Variants in NRXN1 observed in about 807,000 individuals in gnomAD.
NRXN1 encodes neurexin-1.
NRXN1 carries 39 observed loss-of-function variants against 150.9 expected under a neutral mutation model. The ratio of observed to expected loss-of-function variants is 0.26; its 90% CI spans 0.20 to 0.34. The LOEUF is 0.34. NRXN1 is among the 10% of genes least tolerant of loss of function. NRXN1 has a pLI of 1.00. For missense variants in NRXN1, 1,815 were observed against 1,949.9 expected, an observed-to-expected ratio of 0.93 and a Z score of 1.30; for synonymous variants, 924 against 757.0, an observed-to-expected ratio of 1.22 and a Z score of -3.62.
chr2:50,401,971 A>G (rs550821468), intron 17 of NRXN1, among the ~76,000 whole-genome samples: 29 of 152,210 alleles, frequency 1.9e-4, no homozygotes, highest in Non-Finnish European at 3.8e-4. Flanking sequence ...GGGAAGGGGC[A>G]GAAAAATCCC....
intron 5 of NRXN1, among the ~76,000 whole-genome samples, chr2:50,727,276 A>G: frequency 6.6e-6 from 1 of 152,220 alleles, no homozygotes; most frequent in East Asian, 1.9e-4. Flanking sequence ...TTTATATTTT[A>G]TTCTAAGCAA....
intron 8 of NRXN1, among the ~76,000 whole-genome samples, chr2:50,597,971 T>C (rs1675514103): frequency 6.6e-6 from 1 of 151,986 alleles, no homozygotes; most frequent in Non-Finnish European, 1.5e-5. Flanking sequence ...AAACGTCATC[T>C]TTACCAAAAA....
intron 18 of NRXN1, among the ~76,000 whole-genome samples, chr2:50,207,116 G>T (rs1416562026): frequency 6.6e-6 from 1 of 152,012 alleles, no homozygotes; most frequent in Admixed American, 6.6e-5. Flanking sequence ...GGGACTTACC[G>T]ATGGGGTATA....
intron 8 of NRXN1, among the ~76,000 whole-genome samples, chr2:50,598,613 T>C (rs1186491200): frequency 1.4e-5 from 2 of 147,466 alleles, no homozygotes; most frequent in Non-Finnish European, 3.0e-5. Context: ...TATATATACA[T>C]ATATATACAT....
At chr2:50,038,467 T>C (rs941859698) in intron 21 of NRXN1, among the ~76,000 whole-genome samples, 12 of 152,072 alleles carry the variant, frequency 7.9e-5, no homozygotes, top group African/African-American at 2.9e-4. Flanking sequence ...CTAACAACCA[T>C]GTAAGTGAGC....
chr2:50,454,065 C>T (rs544483870), intron 17 of NRXN1, among the ~76,000 whole-genome samples: 105 of 152,206 alleles, frequency 6.9e-4, no homozygotes, highest in African/African-American at 2.4e-3. Context: ...AGGTGGCTCA[C>T]GCCTGTAATC....
intron 5 of NRXN1, among the ~76,000 whole-genome samples, chr2:50,712,429 AGT>A (rs1391294583): frequency 6.6e-6 from 1 of 152,164 alleles, no homozygotes; most frequent in African/African-American, 2.4e-5. Context: ...CTCCTGTATC[AGT>A]GTAATAGCAG....
At chr2:50,339,220 T>A (rs2077388739) in intron 17 of NRXN1, among the ~76,000 whole-genome samples, 1 of 152,194 alleles carries the variant, frequency 6.6e-6, no homozygotes, top group Non-Finnish European at 1.5e-5. Flanking sequence ...TGTTAATTTT[T>A]TTTCTTTCTT....
At chr2:50,226,111 G>A (rs80255409) in intron 18 of NRXN1, among the ~76,000 whole-genome samples, 1,608 of 152,034 alleles carry the variant, frequency 0.011, 33 homozygotes, top group African/African-American at 0.037. Flanking sequence ...GACTGACTGA[G>A]TTCAACACTG....
intron 17 of NRXN1, among the ~76,000 whole-genome samples, chr2:50,431,207 G>A (rs6743584): frequency 0.3 from 45,537 of 151,894 alleles, 7,077 homozygotes; most frequent in East Asian, 0.39. Flanking sequence ...CTTAACATAA[G>A]CCAGCAATTT....
intron 17 of NRXN1, among the ~76,000 whole-genome samples, chr2:50,370,606 C>A (rs535706183): frequency 2.2e-4 from 33 of 152,072 alleles, no homozygotes; most frequent in African/African-American, 7.7e-4. Context: ...TCTGTATCTC[C>A]TTCTAAATTT....
At chr2:50,621,085 T>G in intron 7 of NRXN1, 141 bp downstream of exon 7, 1 of 622,466 alleles carries the variant, frequency 1.6e-6, no homozygotes, top group Non-Finnish European at 2.7e-6. Context: ...AAGAAGGAGG[T>G]CAAAGTAAGC....
In NRXN1 at chr2:50,371,708, C is replaced by T. The variant is rs1041905201; in HGVS notation, c.3364+93734G>A. ...TGTGCATTTTTATGGAAAGTGGATCCACAATTTTATCAGACCCTCAAAATG... is the reference window on the plus strand; with the variant it reads ...TGTGCATTTTTATGGAAAGTGGATCTACAATTTTATCAGACCCTCAAAATG... On this transcript the variant is annotated intron_variant, in intron 17 of 22. Coordinates refer to ENST00000401669, the MANE Select transcript of NRXN1 (RefSeq NM_001330078.2). 6.6e-5 allele frequency among the ~76,000 whole-genome samples: 10 copies of T among 151,894 alleles called. 1 individual carries two copies. Among genetic ancestry groups the T allele is most frequent in the Admixed American group, 6.6e-4 (10 of 15,212 alleles).
intron 6 of NRXN1, among the ~76,000 whole-genome samples, chr2:50,622,646 C>T (rs115552036): frequency 1.7e-3 from 255 of 152,138 alleles, no homozygotes; most frequent in African/African-American, 6.0e-3. Flanking sequence ...TGATATTTTC[C>T]TAGTATATAG....
In NRXN1 at chr2:50,384,521, A is replaced by AT. The variant is rs1558640841; in HGVS notation, c.3364+80920_3364+80921insA. Among the ~76,000 whole-genome samples, 75 of 129,156 alleles carry AT rather than the reference A, an allele frequency of 5.8e-4. 2 individuals carry two copies. Among genetic ancestry groups the AT allele is most frequent in the African/African-American group, 1.7e-3 (48 of 28,042 alleles). The allele number at this position is 129,156 out of a possible 152,430, so 84.7% of individuals were successfully genotyped here. Reference sequence around the variant, plus strand: ...ACTCCATCTCAAAAAAAAAAAAAAAAAAAAAAAAAAAAAATGCATCCTCTA... The same window carrying AT: ...ACTCCATCTCAAAAAAAAAAAAAAAATAAAAAAAAAAAAAATGCATCCTCTA... On this transcript the variant is annotated intron_variant, in intron 17 of 22. Coordinates refer to ENST00000401669, the MANE Select transcript of NRXN1 (RefSeq NM_001330078.2).
chr2:50,678,869 T>C (rs1689931796), intron 5 of NRXN1, among the ~76,000 whole-genome samples: 1 of 151,982 alleles, frequency 6.6e-6, no homozygotes, highest in African/African-American at 2.4e-5. Flanking sequence ...AAGTTATATT[T>C]TACTGGTTTT....
At chr2:50,979,925 A>G (rs970130917) in intron 2 of NRXN1, among the ~76,000 whole-genome samples, 2 of 152,150 alleles carry the variant, frequency 1.3e-5, no homozygotes, top group Non-Finnish European at 2.9e-5. Context: ...CATGATTAGA[A>G]GCCAACTATT....
intron 21 of NRXN1, among the ~76,000 whole-genome samples, chr2:49,992,264 G>A (rs1396712569): frequency 1.3e-5 from 2 of 151,988 alleles, no homozygotes; most frequent in African/African-American, 2.4e-5. Flanking sequence ...TTTGGACCGG[G>A]TGCAGTGGCT....
At chr2:50,702,104 A>C (rs1390408906) in intron 5 of NRXN1, among the ~76,000 whole-genome samples, 1 of 152,154 alleles carries the variant, frequency 6.6e-6, no homozygotes, top group East Asian at 1.9e-4. Flanking sequence ...TATTCGAAGG[A>C]AAAAATAAAA....
Sources: gnomAD v4.1 joint callset for allele counts (sites outside exome capture counted in the v4.1 genomes callset) on GRCh38, gnomAD v4.1.1 for gene constraint, MANE v1.5 for transcripts, NCBI Gene and HGNC (gene_info 2026-07-23, HGNC 2026-07-21) for gene names.